Variants in LIPC observed in about 807,000 individuals in gnomAD.
LIPC encodes the protein lipase C, hepatic type.
A neutral mutation model predicts 50.7 loss-of-function variants in LIPC; 44 were observed. That is an observed-to-expected ratio of 0.87 (90% CI 0.68 to 1.11). The LOEUF (loss-of-function observed/expected upper bound fraction) is 1.11, where lower values mean the gene tolerates loss of function less well. Ranked by LOEUF, LIPC falls within the 50% of genes most tolerant of loss-of-function variation. The pLI is 0.00. For missense variants in LIPC, 697 were observed against 648.2 expected (o/e 1.08, Z -0.82); for synonymous variants, 271 against 256.4 (o/e 1.06, Z -0.54).
intron 1 of LIPC, among the ~76,000 whole-genome samples, chr15:58,500,603 G>T (rs1595900989): frequency 6.6e-6 from 1 of 152,098 alleles, no homozygotes; most frequent in Non-Finnish European, 1.5e-5. Flanking sequence ...TAATCAATAA[G>T]TCCCTGACTG....
chr15:58,451,101 G>C (rs1339527366), intron 1 of LIPC, among the ~76,000 whole-genome samples: 1 of 152,192 alleles, frequency 6.6e-6, no homozygotes, highest in Non-Finnish European at 1.5e-5. Flanking sequence ...GACTGGGCAA[G>C]CAATCGGTTG....
chr15:58,485,933 A>G (rs1206132742), intron 1 of LIPC, among the ~76,000 whole-genome samples: 2 of 152,194 alleles, frequency 1.3e-5, no homozygotes, highest in East Asian at 3.8e-4. Flanking sequence ...ACAGACTAAG[A>G]TGGCTAGAAA....
chr15:58,445,251 A>T (rs1893653525), intron 1 of LIPC, among the ~76,000 whole-genome samples: 1 of 152,096 alleles, frequency 6.6e-6, no homozygotes, highest in Non-Finnish European at 1.5e-5. Flanking sequence ...GATGAAACTC[A>T]CCCTCTGGCT....
intron 1 of LIPC, among the ~76,000 whole-genome samples, chr15:58,532,674 G>A (rs1012796620): frequency 6.6e-6 from 1 of 152,178 alleles, no homozygotes; most frequent in East Asian, 1.9e-4. Context: ...CTGAGCAACA[G>A]CTTCTAGCCC....
In LIPC at chr15:58,490,262, C is replaced by T. The variant is rs573444307; in HGVS notation, c.89-48071C>T. On this transcript the variant is annotated intron_variant, in intron 1 of 8. Transcript: ENST00000299022. Reference sequence around the variant, plus strand: ...GCCAGGGGAGATGCCCTAGAGCCAGCGACACTCAGCCTACTTAACTTCTTC... The same window carrying T: ...GCCAGGGGAGATGCCCTAGAGCCAGTGACACTCAGCCTACTTAACTTCTTC... Among the ~76,000 whole-genome samples the T allele has an allele frequency of 1.4e-4, 21 of 152,232 alleles. No homozygotes were observed. The East Asian group carries it at 1.9e-3, about 14-fold the overall frequency.
intron 1 of LIPC, chr15:58,473,702 AC>A (rs1259752940): frequency 6.6e-6 from 1 of 152,254 alleles, no homozygotes; most frequent in Non-Finnish European, 1.5e-5. Flanking sequence ...TTCACACAGC[AC>A]TTGATGAAGG....
intron 1 of LIPC, among the ~76,000 whole-genome samples, chr15:58,452,190 C>T (rs756843219): frequency 8.5e-5 from 13 of 152,176 alleles, no homozygotes; most frequent in African/African-American, 2.2e-4. Flanking sequence ...CACCATGCCC[C>T]GGGAACTTGT....
chr15:58,473,149 A>G (rs1331125155), intron 1 of LIPC, among the ~76,000 whole-genome samples: 1 of 152,114 alleles, frequency 6.6e-6, no homozygotes, highest in African/African-American at 2.4e-5. Flanking sequence ...GTATTGGCTC[A>G]GAGTAGTGAA....
intron 1 of LIPC, among the ~76,000 whole-genome samples, chr15:58,471,328 T>TGGG (rs5812938): frequency 0.17 from 19,417 of 113,164 alleles, 2,284 homozygotes; most frequent in East Asian, 0.27. Flanking sequence ...TTAGTAGAGA[T>TGGG]GGGGGGGGGT....
At chr15:58,434,913 G>A (rs374613475) in intron 1 of LIPC, 1 of 152,266 alleles carries the variant, frequency 6.6e-6, no homozygotes, top group Non-Finnish European at 1.5e-5. Flanking sequence ...TCCCTCATGA[G>A]TGTCACAAGC....
At chr15:58,444,226 G>A (rs1025699882) in intron 1 of LIPC, among the ~76,000 whole-genome samples, 1 of 151,768 alleles carries the variant, frequency 6.6e-6, no homozygotes, top group African/African-American at 2.4e-5. Context: ...CCTTCCTGAG[G>A]TTAATGATTG....
At chr15:58,499,063 CAA>C (rs1251597662) in intron 1 of LIPC, among the ~76,000 whole-genome samples, 5 of 152,164 alleles carry the variant, frequency 3.3e-5, no homozygotes, top group Non-Finnish European at 5.9e-5. Flanking sequence ...TTACTCGGCA[CAA>C]GAGAGGCCAG....
intron 1 of LIPC, among the ~76,000 whole-genome samples, chr15:58,526,357 T>C (rs1443858392): frequency 6.6e-6 from 1 of 152,208 alleles, no homozygotes; most frequent in African/African-American, 2.4e-5. Context: ...CAGAGAGTGT[T>C]AACCGGTAGC....
intron 1 of LIPC, among the ~76,000 whole-genome samples, chr15:58,474,532 A>AGG (rs1338620128): frequency 6.8e-6 from 1 of 146,508 alleles, no homozygotes. Flanking sequence ...AAAAAAAAAA[A>AGG]GAGGCTTTTC....
At chr15:58,504,654 C>A (rs1892089222) in intron 1 of LIPC, among the ~76,000 whole-genome samples, 1 of 152,202 alleles carries the variant, frequency 6.6e-6, no homozygotes, top group Non-Finnish European at 1.5e-5. Flanking sequence ...TGGATTTCTT[C>A]TTTTTCTCCT....
intron 1 of LIPC, among the ~76,000 whole-genome samples, chr15:58,470,561 A>C (rs1894755687): frequency 6.6e-6 from 1 of 151,920 alleles, no homozygotes; most frequent in African/African-American, 2.4e-5. Flanking sequence ...ACAGAATTGG[A>C]AAAGACAAAA....
Position 58,443,235 on chromosome 15 carries a change from G to A in LIPC, c.88+11115G>A, listed in dbSNP as rs188387120. On this transcript the variant is annotated intron_variant, in intron 1 of 8. Coordinates refer to ENST00000299022, the MANE Select transcript of LIPC (RefSeq NM_000236.3). ...CCGAGATATCCCATTTTGGATAGGG[G>A]AGCCTGGGACATATTCTCAACTTCC... 2.8e-3 allele frequency among the ~76,000 whole-genome samples: 431 copies of A among 152,276 alleles called. 1 individual carries two copies. Among genetic ancestry groups the A allele is most frequent in the African/African-American group, 0.01 (419 of 41,556 alleles).
intron 1 of LIPC, among the ~76,000 whole-genome samples, chr15:58,477,120 T>C (rs1051997521): frequency 2.0e-5 from 3 of 152,234 alleles, no homozygotes; most frequent in African/African-American, 7.2e-5. Flanking sequence ...CCTTCGACTA[T>C]AGTCCACAGG....
chr15:58,488,748 A>T (rs536808367), intron 1 of LIPC, among the ~76,000 whole-genome samples: 14 of 152,332 alleles, frequency 9.2e-5, no homozygotes, highest in Admixed American at 4.6e-4. Context: ...AGAATTGTAC[A>T]GATGAGCACC....
Sources: allele counts gnomAD v4.1 joint callset (sites outside exome capture counted in the v4.1 genomes callset), GRCh38; gene constraint gnomAD v4.1.1; transcripts MANE v1.5; gene names NCBI Gene and HGNC (gene_info 2026-07-23, HGNC 2026-07-21).